ZNF385D: variants seen among roughly 807,000 people sequenced by gnomAD.
The protein encoded by ZNF385D is zinc finger protein 659.
ZNF385D carries 15 observed loss-of-function variants against 35.8 expected under a neutral mutation model. That is an observed-to-expected ratio of 0.42 (90% CI 0.28 to 0.64). ZNF385D has a LOEUF of 0.64. Among genes scored for constraint, ZNF385D ranks in the 30% least tolerant of loss-of-function variants. The probability of loss-of-function intolerance (pLI) is 0.23; values close to 1 mark genes in which losing one functional copy is unlikely to be tolerated. For missense variants in ZNF385D, 474 were observed against 494.6 expected, an observed-to-expected ratio of 0.96 and a Z score of 0.39; for synonymous variants, 212 against 186.8, an observed-to-expected ratio of 1.13 and a Z score of -1.10.
At chr3:21,990,266 A>G (rs7644245) in intron 3 of ZNF385D, among the ~76,000 whole-genome samples, 22,675 of 152,206 alleles carry the variant, frequency 0.15, 4,180 homozygotes, top group African/African-American at 0.44. Context: ...CATAAATGTA[A>G]TACTTTCTTC....
intron 4 of ZNF385D, among the ~76,000 whole-genome samples, chr3:21,453,091 C>T (rs554711122): frequency 6.6e-6 from 1 of 150,880 alleles, no homozygotes; most frequent in Non-Finnish European, 1.5e-5. Flanking sequence ...TTATTTTTAA[C>T]ATGAGTGACA....
intron 3 of ZNF385D, among the ~76,000 whole-genome samples, chr3:21,828,662 T>A (rs1025929156): frequency 2.6e-5 from 4 of 152,216 alleles, no homozygotes; most frequent in African/African-American, 9.6e-5. Context: ...TTTGTTAGTT[T>A]CTTTTTGCTA....
chr3:21,785,673 T>C (rs187891425), intron 3 of ZNF385D, among the ~76,000 whole-genome samples: 2 of 152,348 alleles, frequency 1.3e-5, no homozygotes, highest in Admixed American at 6.5e-5. Context: ...TTTTGCTACA[T>C]TGTTTCTCCC....
At chr3:22,271,835 A>T (rs1362836498) in intron 2 of ZNF385D, among the ~76,000 whole-genome samples, 1 of 151,946 alleles carries the variant, frequency 6.6e-6, no homozygotes, top group Admixed American at 6.6e-5. Context: ...ACCTATACAG[A>T]TGGTCCCTGG....
At chr3:21,433,010 G>A (rs537916597) in intron 5 of ZNF385D, among the ~76,000 whole-genome samples, 2 of 152,124 alleles carry the variant, frequency 1.3e-5, no homozygotes, top group East Asian at 3.9e-4. Flanking sequence ...ATGCCATTAT[G>A]GCTTCTTAAC....
intron 3 of ZNF385D, among the ~76,000 whole-genome samples, chr3:22,016,522 G>A (rs1379405481): frequency 6.6e-6 from 1 of 151,920 alleles, no homozygotes; most frequent in East Asian, 1.9e-4. Context: ...ATTTTCTTTT[G>A]TCACTGAATA....
At chr3:21,923,840 G>A (rs1325172095) in intron 3 of ZNF385D, among the ~76,000 whole-genome samples, 1 of 152,092 alleles carries the variant, frequency 6.6e-6, no homozygotes, top group East Asian at 1.9e-4. Flanking sequence ...ACTAGAAGGG[G>A]GAGGGAGGGG....
At chr3:21,556,278 T>C (rs2062740187) in intron 3 of ZNF385D, among the ~76,000 whole-genome samples, 1 of 152,158 alleles carries the variant, frequency 6.6e-6, no homozygotes. Context: ...TTTAGTGTTT[T>C]AGTCATGAAG....
chr3:22,371,483 T>A (rs1384381556), intron 2 of ZNF385D, among the ~76,000 whole-genome samples: 1 of 152,138 alleles, frequency 6.6e-6, no homozygotes, highest in Non-Finnish European at 1.5e-5. Context: ...GCATCACTCG[T>A]TTGAAATCAC....
intron 3 of ZNF385D, among the ~76,000 whole-genome samples, chr3:22,045,891 T>C (rs1698977831): frequency 6.6e-6 from 1 of 152,006 alleles, no homozygotes; most frequent in Admixed American, 6.6e-5. Context: ...GAGGTAGAAT[T>C]ATAATGGAGA....
intron 3 of ZNF385D, among the ~76,000 whole-genome samples, chr3:21,793,270 T>C (rs1159845344): frequency 6.6e-6 from 1 of 152,154 alleles, no homozygotes; most frequent in Non-Finnish European, 1.5e-5. Context: ...ATAGTGAAAA[T>C]AATAAATGTC....
At chr3:21,618,485 C>A (rs2064911977) in intron 2 of ZNF385D, among the ~76,000 whole-genome samples, 1 of 152,136 alleles carries the variant, frequency 6.6e-6, no homozygotes, top group Non-Finnish European at 1.5e-5. Flanking sequence ...TGTTTCTACT[C>A]ATCGTGTGGT....
chr3:22,010,103 A>G (rs542851254), intron 3 of ZNF385D, among the ~76,000 whole-genome samples: 1 of 152,260 alleles, frequency 6.6e-6, no homozygotes, highest in Non-Finnish European at 1.5e-5. Flanking sequence ...AGCCTATTAA[A>G]GGAAGAAAAA....
In ZNF385D at chr3:22,120,585, A is replaced by G. The variant is rs558542004; in HGVS notation, c.325+48232T>C. ...ATTTCAGCTTTGAGTTCAGACCACC[A>G]TAGTCTGAATTCCATCTCTACTCTT... On this transcript the variant is annotated intron_variant, in intron 3 of 5. Coordinates refer to the ZNF385D transcript ENST00000494108. Among the ~76,000 whole-genome samples, 20 of 152,270 alleles carry G rather than the reference A, an allele frequency of 1.3e-4. No individual in the cohort carries two copies. The South Asian group carries it at 3.7e-3, about 28-fold the overall frequency.
At chr3:21,809,637 C>CACATATACATAT (rs759953513) in intron 3 of ZNF385D, among the ~76,000 whole-genome samples, 2 of 135,904 alleles carry the variant, frequency 1.5e-5, no homozygotes, top group East Asian at 4.1e-4. Flanking sequence ...CACATATATA[C>CACATATACATAT]ACATATACAT....
intron 3 of ZNF385D, among the ~76,000 whole-genome samples, chr3:22,151,562 C>A (rs1035071482): frequency 6.6e-6 from 1 of 152,094 alleles, no homozygotes; most frequent in East Asian, 1.9e-4. Flanking sequence ...ACAAGGTCTG[C>A]GTGTGACTAA....
chr3:22,001,556 C>T (rs1323079277), intron 3 of ZNF385D, among the ~76,000 whole-genome samples: 2 of 151,880 alleles, frequency 1.3e-5, no homozygotes, highest in African/African-American at 4.8e-5. Context: ...TTCAATACTC[C>T]ACTCTCAGCA....
At chr3:22,122,826 C>G (rs1445222199) in intron 3 of ZNF385D, among the ~76,000 whole-genome samples, 2 of 152,136 alleles carry the variant, frequency 1.3e-5, no homozygotes, top group Non-Finnish European at 1.5e-5. Context: ...GAGGCAACAT[C>G]AAATGCAAAG....
intron 2 of ZNF385D, among the ~76,000 whole-genome samples, chr3:22,290,689 G>T (rs1443149960): frequency 2.6e-5 from 4 of 152,074 alleles, no homozygotes; most frequent in Non-Finnish European, 5.9e-5. Flanking sequence ...ACACTTTCCA[G>T]TCCATCAGAG....
Sources: gnomAD v4.1 joint callset for allele counts (sites outside exome capture counted in the v4.1 genomes callset) on GRCh38, gnomAD v4.1.1 for gene constraint, MANE v1.5 for transcripts, NCBI Gene and HGNC (gene_info 2026-07-23, HGNC 2026-07-21) for gene names.